GALNT13: variants seen among roughly 807,000 people sequenced by gnomAD.
GALNT13 encodes UDP-GalNAc:polypeptide N-acetylgalactosaminyltransferase 13.
A neutral mutation model predicts 64.2 loss-of-function variants in GALNT13; 28 were observed. The ratio of observed to expected loss-of-function variants is 0.44; its 90% CI spans 0.32 to 0.60. GALNT13 has a LOEUF of 0.60. Among genes scored for constraint, GALNT13 ranks in the 20% least tolerant of loss-of-function variants. GALNT13 has a pLI of 0.05. For missense variants in GALNT13, 577 were observed against 669.8 expected, an observed-to-expected ratio of 0.86 and a Z score of 1.53; for synonymous variants, 214 against 224.6, an observed-to-expected ratio of 0.95 and a Z score of 0.42.
At chr2:153,424,643 A>G in the GALNT13 span, among the ~76,000 whole-genome samples, 2 of 151,894 alleles carry the variant, frequency 1.3e-5, no homozygotes, top group Non-Finnish European at 2.9e-5. Flanking sequence ...CAGGTCTCCT[A>G]TTATCTGTGG....
intron 3 of GALNT13, among the ~76,000 whole-genome samples, chr2:154,119,904 C>T (rs1232376914): frequency 6.6e-6 from 1 of 152,034 alleles, no homozygotes; most frequent in Non-Finnish European, 1.5e-5. Context: ...ATTGTGACTT[C>T]TTTTTCAGTC....
At chr2:153,912,292 A>G (rs912998566) in intron 2 of GALNT13, among the ~76,000 whole-genome samples, 14 of 151,932 alleles carry the variant, frequency 9.2e-5, no homozygotes, top group African/African-American at 2.9e-4. Context: ...TATTTTGTCT[A>G]TCAGATTCTG....
chr2:153,535,997 A>G, the GALNT13 span, among the ~76,000 whole-genome samples: 1 of 152,192 alleles, frequency 6.6e-6, no homozygotes, highest in African/African-American at 2.4e-5. Flanking sequence ...GAGGTATTTC[A>G]GTTATCTGAC....
the GALNT13 span, among the ~76,000 whole-genome samples, chr2:153,248,657 T>A: frequency 2.7e-5 from 4 of 150,876 alleles, no homozygotes; most frequent in African/African-American, 7.3e-5. Flanking sequence ...ACTAAAAAAA[T>A]ACAAAAAAAT....
intron 3 of GALNT13, among the ~76,000 whole-genome samples, chr2:153,992,157 C>A (rs1695200186): frequency 6.6e-6 from 1 of 152,032 alleles, no homozygotes; most frequent in African/African-American, 2.4e-5. Context: ...TGTTTTCAAT[C>A]CGTAAGTTCT....
chr2:154,358,935 C>G (rs1238039119), intron 9 of GALNT13, among the ~76,000 whole-genome samples: 7 of 152,048 alleles, frequency 4.6e-5, no homozygotes. Flanking sequence ...CATTCCTTGT[C>G]TGAATAACTG....
intron 12 of GALNT13, 32 bp from the exon 13 acceptor site, chr2:154,450,379 A>G (rs774970161): frequency 1.9e-6 from 3 of 1,579,912 alleles, no homozygotes; most frequent in East Asian, 2.2e-5. Context: ...AAGACGAAAT[A>G]AGCTGCACTG....
intron 11 of GALNT13, among the ~76,000 whole-genome samples, chr2:154,412,880 A>T (rs1414887941): frequency 6.6e-6 from 1 of 151,906 alleles, no homozygotes; most frequent in African/African-American, 2.4e-5. Flanking sequence ...CTCCATTTAT[A>T]TCTATTCTTG....
chr2:153,354,811 A>G, the GALNT13 span, among the ~76,000 whole-genome samples: 4 of 152,266 alleles, frequency 2.6e-5, no homozygotes, highest in East Asian at 3.9e-4. Context: ...TTTCTTCCCT[A>G]TATCATTCTC....
intron 3 of GALNT13, among the ~76,000 whole-genome samples, chr2:154,080,834 T>C (rs1558946996): frequency 2.6e-5 from 4 of 151,680 alleles, no homozygotes; most frequent in Admixed American, 2.0e-4. Context: ...TGCTAGTAAA[T>C]ATTGTGGTTC....
At chr2:153,179,153 G>C in the GALNT13 span, among the ~76,000 whole-genome samples, 1 of 152,138 alleles carries the variant, frequency 6.6e-6, no homozygotes, top group Non-Finnish European at 1.5e-5. Context: ...TTTTCTTCTA[G>C]TAGTTTTAAA....
chr2:153,780,658 C>T, the GALNT13 span, among the ~76,000 whole-genome samples: 1 of 152,100 alleles, frequency 6.6e-6, no homozygotes, highest in South Asian at 2.1e-4. Flanking sequence ...CAAAATAAGA[C>T]ATCCACGTGG....
chr2:153,774,453 A>C, the GALNT13 span, among the ~76,000 whole-genome samples: 1 of 152,210 alleles, frequency 6.6e-6, no homozygotes, highest in African/African-American at 2.4e-5. Context: ...GTTTTATATA[A>C]AGACAGAATG....
intron 9 of GALNT13, among the ~76,000 whole-genome samples, chr2:154,308,770 G>A (rs1693878152): frequency 6.6e-6 from 1 of 152,106 alleles, no homozygotes; most frequent in Non-Finnish European, 1.5e-5. Flanking sequence ...TTATTTTAAA[G>A]TGCCATGTTA....
chr2:153,511,753 CG>C, the GALNT13 span, among the ~76,000 whole-genome samples: 2 of 152,196 alleles, frequency 1.3e-5, no homozygotes, highest in African/African-American at 4.8e-5. Context: ...AAGACTGAAG[CG>C]GGAGTTTTAT....
At chr2:153,114,856 A>G in the GALNT13 span, among the ~76,000 whole-genome samples, 1 of 151,654 alleles carries the variant, frequency 6.6e-6, no homozygotes, top group Non-Finnish European at 1.5e-5. Flanking sequence ...CCTCCATTAT[A>G]GAACAGTATA....
rs897395909 is a variant in GALNT13, at chr2:154,128,065, T to C, written c.143-12272T>C. ...TTATGATGTAACCGAAATTATTTTA[T>C]TAAAGCAAGGCTTACATAAAAAAGG... On this transcript the variant is annotated intron_variant, in intron 3 of 12. Transcript: ENST00000392825. Among the ~76,000 whole-genome samples, 6 of 152,124 alleles carry C rather than the reference T, an allele frequency of 3.9e-5. No homozygotes were observed. The South Asian group carries it at 1.2e-3, about 32-fold the overall frequency.
At chr2:153,313,373 A>G in the GALNT13 span, among the ~76,000 whole-genome samples, 1 of 152,210 alleles carries the variant, frequency 6.6e-6, no homozygotes, top group East Asian at 1.9e-4. Flanking sequence ...AGCCATAAAA[A>G]AGAATGAGAT....
the GALNT13 span, among the ~76,000 whole-genome samples, chr2:153,773,018 G>T: frequency 6.6e-6 from 1 of 152,312 alleles, no homozygotes; most frequent in Non-Finnish European, 1.5e-5. Context: ...CTTTGACTGG[G>T]CCAGGCCACA....
Sources: allele counts gnomAD v4.1 joint callset (sites outside exome capture counted in the v4.1 genomes callset), GRCh38; gene constraint gnomAD v4.1.1; transcripts MANE v1.5; gene names NCBI Gene and HGNC (gene_info 2026-07-23, HGNC 2026-07-21).